CRYBB3: variants seen among roughly 807,000 people sequenced by gnomAD.
CRYBB3 encodes the protein beta-crystallin B3.
CRYBB3 carries 35 observed loss-of-function variants against 28.3 expected under a neutral mutation model. That is an observed-to-expected ratio of 1.24 (90% CI 0.95 to 1.64). CRYBB3 has a LOEUF of 1.64. Among genes scored for constraint, CRYBB3 ranks in the 40% most tolerant of loss-of-function variants. The probability of loss-of-function intolerance (pLI) is 0.00; values close to 1 mark genes in which losing one functional copy is unlikely to be tolerated. For synonymous variants in CRYBB3, 106 were observed against 110.4 expected (o/e 0.96, Z 0.25); for missense variants, 296 against 297.4 (o/e 1.00, Z 0.04).
chr22:25,201,261 A>G (rs1934942656), intron 1 of CRYBB3, 116 bp from the exon 2 acceptor site: 4 of 1,557,828 alleles, frequency 2.6e-6, no homozygotes, highest in Non-Finnish European at 2.6e-6. Flanking sequence ...GTCGATCATA[A>G]GTTACAGCCA....
intron 2 of CRYBB3, among the ~76,000 whole-genome samples, chr22:25,202,387 CTTCAT>C (rs1286127201): frequency 6.6e-6 from 1 of 152,212 alleles, no homozygotes; most frequent in East Asian, 1.9e-4. Flanking sequence ...CCAGAAGCAG[CTTCAT>C]TTCCCCACCG....
In CRYBB3 at chr22:25,201,484, G is replaced by T. The variant is rs1379342797; in HGVS notation, c.75+13G>T. ...GGGCAGCTACAAGGTACTGGGCAGGGAGGGGGTCAGAGGGCCCAGGCTACT... is the reference window on the plus strand; with the variant it reads ...GGGCAGCTACAAGGTACTGGGCAGGTAGGGGGTCAGAGGGCCCAGGCTACT... On this transcript the variant is annotated intron_variant, in intron 2 of 5. Coordinates refer to ENST00000215855, the MANE Select transcript of CRYBB3 (RefSeq NM_004076.5). 6.2e-7 allele frequency: 1 copy of T among 1,611,638 alleles called. No individual in the cohort carries two copies. Among genetic ancestry groups the T allele is most frequent in the Non-Finnish European group, 8.5e-7 (1 of 1,178,850 alleles).
At chr22:25,202,241 T>C (rs542792032) in intron 2 of CRYBB3, among the ~76,000 whole-genome samples, 1 of 152,314 alleles carries the variant, frequency 6.6e-6, no homozygotes, top group South Asian at 2.1e-4. Context: ...TTCCTAGGCT[T>C]GGGGCAGGCA....
At position 25,205,375 on chromosome 22, in the gene CRYBB3, A is replaced by G. The variant is rs1185069289; in HGVS notation, c.470+13A>G. On this transcript the variant is annotated intron_variant, in intron 5 of 5. Transcript: ENST00000215855. The stretch of plus-strand genomic sequence containing the variant: ...CCATCAACGGGACGTAAGGGACCCA[A>G]CCCTCACCCTTGCCCCATCTTCTGG... 6.8e-6 allele frequency: 11 copies of G among 1,613,604 alleles called. No homozygotes were observed. The highest frequency in any genetic ancestry group is 4.0e-5 in the African/African-American group (3 of 74,862).
intron 4 of CRYBB3, 52 bp from the exon 5 acceptor site, chr22:25,205,168 A>G: frequency 6.2e-7 from 1 of 1,610,638 alleles, no homozygotes; most frequent in African/African-American, 1.3e-5. Context: ...AGCCTCCTTG[A>G]CCTCTGTTCT....
chr22:25,204,056 A>AG (rs1934992193), intron 4 of CRYBB3, among the ~76,000 whole-genome samples, 161 bp downstream of exon 4: 1 of 152,220 alleles, frequency 6.6e-6, no homozygotes, highest in African/African-American at 2.4e-5. Context: ...GTGTGGGACA[A>AG]GAAGTGGGAT....
chr22:25,205,477 T>A (rs969730535), intron 5 of CRYBB3, 115 bp downstream of exon 5: 10 of 1,252,572 alleles, frequency 8.0e-6, no homozygotes, highest in Admixed American at 3.3e-5. Context: ...TATTTATTTT[T>A]GAGACGGAGT....
intron 4 of CRYBB3, among the ~76,000 whole-genome samples, chr22:25,204,123 C>A (rs1934992927): frequency 6.6e-6 from 1 of 152,222 alleles, no homozygotes; most frequent in South Asian, 2.1e-4. Flanking sequence ...TTGAATTAAA[C>A]CAGCATAGCA....
intron 3 of CRYBB3, 37 bp from the exon 4 acceptor site, chr22:25,203,726 A>G: frequency 1.2e-6 from 2 of 1,613,838 alleles, no homozygotes; most frequent in Non-Finnish European, 1.7e-6. Context: ...CCTCAGCTGC[A>G]GCAAAGGTGA....
In CRYBB3 at chr22:25,203,806, G is replaced by T. The variant is rs753007977; in HGVS notation, c.238G>T (p.Val80Phe). The T allele has an allele frequency of 6.2e-7, 1 of 1,614,222 alleles. No homozygotes were observed. The highest frequency in any genetic ancestry group is 2.2e-5 in the East Asian group (1 of 44,880). Residue 80 changes from valine (V) to phenylalanine (F), a missense_variant, in exon 4 of 6, where the codon GTT (valine) becomes TTT (phenylalanine). By Grantham distance (50) the Val-to-Phe change is conservative. Coordinates refer to ENST00000215855, the MANE Select transcript of CRYBB3 (RefSeq NM_004076.5). ...CAGGGCCTTCCGCGGGGAGCAGTTT[G>T]TTCTGGAGAAGGGGGATTATCCTCG... ...ESRAFRGEQF[V>F]LEKGDYPRWD...
At chr22:25,206,130 G>A (rs1935029808) in intron 5 of CRYBB3, among the ~76,000 whole-genome samples, 1 of 152,138 alleles carries the variant, frequency 6.6e-6, no homozygotes, top group Admixed American at 6.6e-5. Context: ...GTAATCTGGG[G>A]TTGGGCCTTG....
At chr22:25,202,043 C>G (rs191757267) in intron 2 of CRYBB3, among the ~76,000 whole-genome samples, 7 of 152,304 alleles carry the variant, frequency 4.6e-5, no homozygotes, top group Admixed American at 4.6e-4. Context: ...AAGGATGGGT[C>G]GAATCCCAGT....
rs376527146 is a variant in CRYBB3 at position 25,200,140 on chromosome 22, G to A, written c.-21+231G>A. ...GCCCCTGGACATGTGCTTAGGGCAG[G>A]GGACCTTCCAAAACAGCTCCTCTGA... On this transcript the variant is annotated intron_variant, in intron 1 of 5. Coordinates refer to ENST00000215855, the MANE Select transcript of CRYBB3 (RefSeq NM_004076.5). Among the ~76,000 whole-genome samples the A allele has an allele frequency of 6.1e-4, 93 of 152,240 alleles. 1 individual carries two copies. Among genetic ancestry groups the A allele is most frequent in the African/African-American group, 2.2e-3 (93 of 41,540 alleles).
chr22:25,205,885 C>G (rs1424066456), intron 5 of CRYBB3, among the ~76,000 whole-genome samples: 1 of 152,172 alleles, frequency 6.6e-6, no homozygotes, highest in Non-Finnish European at 1.5e-5. Flanking sequence ...TGAGTCCTTC[C>G]TGCTTTTTTA....
At chr22:25,204,011 T>G in intron 4 of CRYBB3, 116 bp downstream of exon 4, 1 of 1,257,832 alleles carries the variant, frequency 8.0e-7, no homozygotes, top group Non-Finnish European at 1.2e-6. Context: ...GGACCTGGCC[T>G]GGGAAGGGCC....
intron 2 of CRYBB3, among the ~76,000 whole-genome samples, chr22:25,202,080 C>G (rs983798671): frequency 2.0e-5 from 3 of 152,122 alleles, no homozygotes; most frequent in Non-Finnish European, 4.4e-5. Context: ...CTGTGCAGCC[C>G]GAGGCAAGTA....
chr22:25,201,208 G>C (rs142311929), intron 1 of CRYBB3, among the ~76,000 whole-genome samples, 169 bp from the exon 2 acceptor site: 2 of 152,250 alleles, frequency 1.3e-5, no homozygotes, highest in African/African-American at 4.8e-5. Flanking sequence ...AGTCCACGTG[G>C]CCCATGGCAG....
chr22:25,201,031 G>T (rs1257120924), intron 1 of CRYBB3, among the ~76,000 whole-genome samples: 1 of 152,194 alleles, frequency 6.6e-6, no homozygotes, highest in Non-Finnish European at 1.5e-5. Flanking sequence ...AGAGAGCTCT[G>T]AGAAACCTGG....
intron 2 of CRYBB3, 127 bp downstream of exon 2, chr22:25,201,598 G>C: frequency 6.9e-7 from 1 of 1,444,910 alleles, no homozygotes; most frequent in Non-Finnish European, 9.1e-7. Flanking sequence ...AGGACAAAAC[G>C]CTCCGGGTGG....
Sources: gnomAD v4.1 joint callset for allele counts (sites outside exome capture counted in the v4.1 genomes callset) on GRCh38, gnomAD v4.1.1 for gene constraint, MANE v1.5 for transcripts, NCBI Gene and HGNC (gene_info 2026-07-23, HGNC 2026-07-21) for gene names.